Variants in KDM4C observed in about 807,000 individuals in gnomAD.
The protein encoded by KDM4C is lysine demethylase 4C.
KDM4C carries 81 observed loss-of-function variants against 129.3 expected under a neutral mutation model. The ratio of observed to expected loss-of-function variants is 0.63; its 90% CI spans 0.52 to 0.75. KDM4C has a LOEUF of 0.75. Among genes scored for constraint, KDM4C ranks in the 30% least tolerant of loss-of-function variants. KDM4C has a pLI of 0.00. For synonymous variants in KDM4C, 573 were observed against 456.1 expected (o/e 1.26, Z -3.26); for missense variants, 1,457 against 1,304.0 (o/e 1.12, Z -1.81).
At chr9:6,765,260 C>T (rs562930027) in intron 1 of KDM4C, among the ~76,000 whole-genome samples, 3 of 152,136 alleles carry the variant, frequency 2.0e-5, no homozygotes. Flanking sequence ...TTCTTTTCTT[C>T]AAACTGTATA....
intron 8 of KDM4C, among the ~76,000 whole-genome samples, chr9:6,968,314 A>G (rs2131669692): frequency 6.6e-6 from 1 of 152,272 alleles, no homozygotes; most frequent in Non-Finnish European, 1.5e-5. Context: ...CTGTCTCTAC[A>G]AAAGTTATTT....
chr9:6,908,697 C>T (rs554223722), intron 8 of KDM4C, among the ~76,000 whole-genome samples: 2 of 152,124 alleles, frequency 1.3e-5, no homozygotes, highest in South Asian at 4.2e-4. Context: ...GGGGAGGTAC[C>T]TAGCTTAATT....
At chr9:6,929,577 T>G (rs1333899954) in intron 8 of KDM4C, among the ~76,000 whole-genome samples, 1 of 151,138 alleles carries the variant, frequency 6.6e-6, no homozygotes, top group Non-Finnish European at 1.5e-5. Flanking sequence ...GTTAGGTAAG[T>G]GCTACTCTTC....
At chr9:6,774,992 GCTTT>G (rs1225366161) in intron 1 of KDM4C, among the ~76,000 whole-genome samples, 1 of 152,036 alleles carries the variant, frequency 6.6e-6, no homozygotes, top group Admixed American at 6.6e-5. Flanking sequence ...TTAGTTTAAG[GCTTT>G]CTGAGATTCA....
In KDM4C at chr9:6,758,035, G is replaced by C. The variant is rs1215745563; in HGVS notation, c.-186G>C. ...ACCCACCCCCTCGACGGGAGGGTGA[G>C]GCGCGGCGCAGTGATCGGGCGGCCG... On this transcript the variant is annotated 5_prime_UTR_variant, in exon 1 of 22. Transcript: ENST00000381309. This position sits in a 1 kb window ranked among gnomAD's most constrained non-coding sequence, Gnocchi z 4.6. The C allele has an allele frequency of 1.0e-6, 1 of 985,334 alleles. No individual in the cohort carries two copies. Among genetic ancestry groups the C allele is most frequent in the African/African-American group, 1.7e-5 (1 of 57,248 alleles). The allele number at this position is 985,334 out of a possible 1,614,324, so 61.0% of individuals were successfully genotyped here.
intron 8 of KDM4C, among the ~76,000 whole-genome samples, chr9:6,980,039 A>G (rs1339686781): frequency 6.6e-6 from 1 of 152,204 alleles, no homozygotes; most frequent in Non-Finnish European, 1.5e-5. Flanking sequence ...TGATAATTGT[A>G]TCACCAAGAT....
At chr9:7,037,736 G>C (rs1180675112) in intron 15 of KDM4C, among the ~76,000 whole-genome samples, 1 of 151,926 alleles carries the variant, frequency 6.6e-6, no homozygotes, top group Non-Finnish European at 1.5e-5. Flanking sequence ...CCACCCTGAG[G>C]AAAAAAATAT....
At chr9:6,855,085 T>G (rs1414483539) in intron 5 of KDM4C, among the ~76,000 whole-genome samples, 1 of 152,224 alleles carries the variant, frequency 6.6e-6, no homozygotes, top group African/African-American at 2.4e-5. Flanking sequence ...TACATTCATT[T>G]AGCAAATATA....
intron 12 of KDM4C, among the ~76,000 whole-genome samples, chr9:7,007,140 G>A (rs1431620295): frequency 6.6e-6 from 1 of 152,176 alleles, no homozygotes; most frequent in African/African-American, 2.4e-5. Context: ...TTTAGCCACT[G>A]CTTATGTTTC....
chr9:7,072,886 A>C (rs1317282254), intron 17 of KDM4C, among the ~76,000 whole-genome samples: 2 of 152,198 alleles, frequency 1.3e-5, no homozygotes, highest in African/African-American at 4.8e-5. Context: ...ACATGTATAC[A>C]TTGTGTAATC....
intron 8 of KDM4C, among the ~76,000 whole-genome samples, chr9:6,957,515 TC>T (rs1303354043): frequency 6.6e-6 from 1 of 152,146 alleles, no homozygotes; most frequent in African/African-American, 2.4e-5. Context: ...TTTTTTTTTT[TC>T]TGCAGTAATA....
chr9:7,088,524 T>C (rs566850448), intron 17 of KDM4C, among the ~76,000 whole-genome samples: 5 of 152,236 alleles, frequency 3.3e-5, no homozygotes, highest in Non-Finnish European at 7.3e-5. Context: ...TAGTCCATGA[T>C]TTGTAGCCAG....
chr9:7,032,160 A>G (rs1826888679), intron 15 of KDM4C, among the ~76,000 whole-genome samples: 5 of 152,216 alleles, frequency 3.3e-5, no homozygotes, highest in Admixed American at 3.3e-4. Context: ...TTGACTCCCA[A>G]CACTGTTTGA....
rs193085442 is a variant in KDM4C at position 6,965,987 on chromosome 9, G to C, written c.922-14938G>C. Among the ~76,000 whole-genome samples, 4 of 152,140 alleles carry C rather than the reference G, an allele frequency of 2.6e-5. 1 individual carries two copies. The highest frequency in any genetic ancestry group is 4.4e-5 in the Non-Finnish European group (3 of 68,014). ...ATCAGTTTCATACACCATGTTAACA[G>C]AATAAAGGATAAAAAGCATATGACC... On this transcript the variant is annotated intron_variant, in intron 8 of 21. Coordinates refer to ENST00000381309, the MANE Select transcript of KDM4C (RefSeq NM_015061.6).
chr9:6,809,931 C>T (rs908362573), intron 3 of KDM4C, among the ~76,000 whole-genome samples: 1 of 151,874 alleles, frequency 6.6e-6, no homozygotes, highest in Non-Finnish European at 1.5e-5. Context: ...TTGATGCTAC[C>T]GTGAGTCGTG....
At chr9:6,728,433 C>T (rs1817214813) in intron 1 of KDM4C, among the ~76,000 whole-genome samples, 1 of 152,146 alleles carries the variant, frequency 6.6e-6, no homozygotes, top group Admixed American at 6.6e-5. Context: ...ACTCAGGAGG[C>T]TGAGGCAGGA....
At position 6,875,451 on chromosome 9, in the gene KDM4C, G is replaced by A. The variant is rs2130716372; in HGVS notation, c.630-4561G>A. 1.3e-5 allele frequency among the ~76,000 whole-genome samples: 2 copies of A among 152,268 alleles called. 1 individual carries two copies. The highest frequency in any genetic ancestry group is 6.8e-3 in the Middle Eastern group (2 of 294). ...GGGTGTTTTGTTGTATCTTATTCCT[G>A]TTTAGGACAGGAAGACTAATTTTGT... On this transcript the variant is annotated intron_variant, in intron 5 of 21. Transcript: ENST00000381309.
chr9:6,913,497 T>C (rs1444320858), intron 8 of KDM4C, among the ~76,000 whole-genome samples: 1 of 152,228 alleles, frequency 6.6e-6, no homozygotes, highest in African/African-American at 2.4e-5. Context: ...ATACGTTTCA[T>C]GTACAGTGCG....
At chr9:7,136,657 A>G (rs1841238829) in intron 19 of KDM4C, among the ~76,000 whole-genome samples, 1 of 152,222 alleles carries the variant, frequency 6.6e-6, no homozygotes, top group African/African-American at 2.4e-5. Flanking sequence ...AACCAGTAAT[A>G]TATTTTACAT....
Sources: allele counts gnomAD v4.1 joint callset (sites outside exome capture counted in the v4.1 genomes callset), GRCh38; gene constraint gnomAD v4.1.1; non-coding constraint Gnocchi (gnomAD v3.1); transcripts MANE v1.5; gene names NCBI Gene and HGNC (gene_info 2026-07-23, HGNC 2026-07-21).